Variants in SEC24B observed in about 807,000 individuals in gnomAD.
SEC24B encodes the protein protein transport protein Sec24B.
SEC24B carries 45 observed loss-of-function variants against 142.8 expected under a neutral mutation model. The ratio of observed to expected loss-of-function variants is 0.32; its 90% confidence interval spans 0.25 to 0.40. The LOEUF (loss-of-function observed/expected upper bound fraction) is 0.40. Ranked by LOEUF, SEC24B falls within the 10% of genes least tolerant of loss-of-function variation. SEC24B has a pLI of 1.00. For synonymous variants in SEC24B, 574 were observed against 568.2 expected (o/e 1.01, Z -0.15); for missense variants, 1,409 against 1,526.8 (o/e 0.92, Z 1.29).
chr4:109,481,855 A>G, intron 4 of SEC24B, 74 bp downstream of exon 4: 1 of 1,070,720 alleles, frequency 9.3e-7, no homozygotes, highest in Non-Finnish European at 1.4e-6. Context: ...AGTCTTACTT[A>G]GCCTTTTAAA....
At position 109,482,754 on chromosome 4, in the gene SEC24B, T is replaced by G. The variant is rs1733857730; in HGVS notation, c.1165+973T>G. 2.0e-5 allele frequency among the ~76,000 whole-genome samples: 3 copies of G among 150,382 alleles called. No individual in the cohort carries two copies. The South Asian group carries it at 6.3e-4, about 32-fold the overall frequency. ...CCCAGGCTCAAGCCATCCTCCTGTC[T>G]CAACTCCCACATAGCTGAGACTACA... On this transcript the variant is annotated intron_variant, in intron 4 of 23. Transcript: ENST00000265175.
intron 7 of SEC24B, 73 bp downstream of exon 7, chr4:109,506,585 T>A: frequency 9.6e-7 from 1 of 1,045,848 alleles, no homozygotes; most frequent in South Asian, 2.4e-5. Flanking sequence ...ATAGTAAAAG[T>A]AGTATGTTAT....
chr4:109,461,749 T>C (rs1731279413), intron 1 of SEC24B, among the ~76,000 whole-genome samples: 2 of 152,242 alleles, frequency 1.3e-5, no homozygotes, highest in Admixed American at 6.5e-5. Flanking sequence ...TCATACTCTT[T>C]ATTGTTTGAA....
At chr4:109,463,698 ATTAAG>A (rs1317478901) in intron 2 of SEC24B, 54 bp downstream of exon 2, 1 of 1,556,856 alleles carries the variant, frequency 6.4e-7, no homozygotes, top group East Asian at 2.3e-5. Flanking sequence ...TGCATTCCCA[ATTAAG>A]TTATTATTTA....
At chr4:109,455,870 T>G (rs141428147) in intron 1 of SEC24B, among the ~76,000 whole-genome samples, 1 of 152,212 alleles carries the variant, frequency 6.6e-6, no homozygotes, top group Non-Finnish European at 1.5e-5. Context: ...TTAGTAACTT[T>G]GTATTACTAT....
In SEC24B at chr4:109,494,748, C is replaced by T; in HGVS notation, c.1380C>T (p.Gly460=). 6.2e-7 allele frequency: 1 copy of T among 1,614,220 alleles called. No individual in the cohort carries two copies. The highest frequency in any genetic ancestry group is 8.5e-7 in the Non-Finnish European group (1 of 1,180,034). ...CTTCAAAAATGGCTAAGCCTTTTGG[C>T]TATGGCTATCCAACACTTCAGCCTG... The part of the protein sequence containing the change: ...PQPSKMAKPF[G]YGYPTLQPGY... The change falls in exon 6 of 24, where the codon GGC becomes GGT. Residue 460 remains glycine, a synonymous_variant. Coordinates refer to ENST00000265175, the MANE Select transcript of SEC24B (RefSeq NM_006323.5).
At position 109,514,096 on chromosome 4, in the gene SEC24B, C is replaced by T. The variant is rs1013358298; in HGVS notation, c.2013+240C>T. Among the ~76,000 whole-genome samples the T allele has an allele frequency of 3.3e-5, 5 of 152,162 alleles. No individual in the cohort carries two copies. The South Asian group carries it at 6.2e-4, about 19-fold the overall frequency. Reference sequence around the variant, plus strand: ...TCTGTCTTATGATGGGCACTAGCATCTATGACTTGTTGCCATTTTGATTTC... The same window carrying T: ...TCTGTCTTATGATGGGCACTAGCATTTATGACTTGTTGCCATTTTGATTTC... On this transcript the variant is annotated intron_variant, in intron 10 of 23. Coordinates refer to ENST00000265175, the MANE Select transcript of SEC24B (RefSeq NM_006323.5).
rs746747448 is a variant in SEC24B at position 109,506,461 on chromosome 4, C to A, written c.1622C>A (p.Ala541Asp). 1.3e-5 allele frequency: 21 copies of A among 1,604,734 alleles called. No homozygotes were observed. The highest frequency in any genetic ancestry group is 1.8e-5 in the Non-Finnish European group (21 of 1,175,500). ...RNILPMTPVW[A>D]PVPNLNADLK... ...ATTTTACCTATGACTCCTGTTTGGG[C>A]TCCTGTACCTAACTTGAATGCAGAC... The change falls in exon 7 of 24, where the codon GCT becomes GAT. Residue 541 changes from alanine (A) to aspartate (D), a missense_variant. Around this residue, in one of 2 missense-constraint regions of SEC24B, gnomAD observed 709 missense variants for 673.5 expected, o/e 1.05. Transcript: ENST00000265175.
intron 14 of SEC24B, among the ~76,000 whole-genome samples, chr4:109,524,193 A>C (rs1282329201): frequency 1.3e-5 from 2 of 152,116 alleles, no homozygotes; most frequent in Non-Finnish European, 2.9e-5. Flanking sequence ...AGGACTCTAA[A>C]GTTTCAGTAT....
At chr4:109,532,139 G>A (rs1398668524) in intron 20 of SEC24B, among the ~76,000 whole-genome samples, 4 of 152,090 alleles carry the variant, frequency 2.6e-5, no homozygotes, top group Admixed American at 2.6e-4. Flanking sequence ...TTACAGGCAT[G>A]AGCCACCACA....
intron 17 of SEC24B, 48 bp downstream of exon 17, chr4:109,526,447 T>A (rs1724236921): frequency 2.1e-6 from 3 of 1,413,452 alleles, no homozygotes; most frequent in South Asian, 1.3e-5. Flanking sequence ...AATTCCTCCC[T>A]CCTTTCACAT....
At chr4:109,485,735 G>C (rs1734286596) in intron 4 of SEC24B, among the ~76,000 whole-genome samples, 1 of 152,200 alleles carries the variant, frequency 6.6e-6, no homozygotes, top group Non-Finnish European at 1.5e-5. Flanking sequence ...GAGGTAAAAA[G>C]AAAGTGGCTG....
chr4:109,507,476 GT>G (rs1480286090), intron 7 of SEC24B, among the ~76,000 whole-genome samples: 3 of 151,950 alleles, frequency 2.0e-5, no homozygotes, highest in African/African-American at 7.2e-5. Context: ...GTTTCACCAT[GT>G]TGGGCAGACT....
chr4:109,466,397 C>A (rs747599696), intron 2 of SEC24B, among the ~76,000 whole-genome samples: 4 of 152,044 alleles, frequency 2.6e-5, no homozygotes, highest in Non-Finnish European at 5.9e-5. Flanking sequence ...AAGTATTAAA[C>A]ATAGTTTTGT....
intron 7 of SEC24B, among the ~76,000 whole-genome samples, chr4:109,508,833 AATCATTCAATAAACATTT>A (rs1737001978): frequency 6.6e-6 from 1 of 152,194 alleles, no homozygotes; most frequent in Non-Finnish European, 1.5e-5. Context: ...TACTAAAATA[AATCATTCAATAAACATTT>A]ATCAAATGCC....
At chr4:109,523,653 TATC>T (rs1723904079) in intron 14 of SEC24B, among the ~76,000 whole-genome samples, 1 of 152,154 alleles carries the variant, frequency 6.6e-6, no homozygotes, top group East Asian at 1.9e-4. Context: ...TTTGAGAAAA[TATC>T]ATTATAAGTA....
chr4:109,482,432 C>T (rs1186479685), intron 4 of SEC24B, among the ~76,000 whole-genome samples: 2 of 152,112 alleles, frequency 1.3e-5, no homozygotes, highest in Non-Finnish European at 2.9e-5. Context: ...AATTCTAATA[C>T]AGGTTGAATA....
chr4:109,442,037 G>T (rs1161631685), intron 1 of SEC24B, among the ~76,000 whole-genome samples: 3 of 152,068 alleles, frequency 2.0e-5, no homozygotes, highest in African/African-American at 7.2e-5. Flanking sequence ...CCTCATTTTT[G>T]AAATCACCAA....
At chr4:109,465,326 T>C (rs1004281495) in intron 2 of SEC24B, among the ~76,000 whole-genome samples, 13 of 152,288 alleles carry the variant, frequency 8.5e-5, no homozygotes, top group Non-Finnish European at 1.8e-4. Flanking sequence ...TAGAATAGAA[T>C]CTCCAGGGTA....
Sources: gnomAD v4.1 joint callset for allele counts (sites outside exome capture counted in the v4.1 genomes callset) on GRCh38, gnomAD v4.1.1 for gene constraint, gnomAD v4.1.1 regional missense constraint, MANE v1.5 for transcripts, NCBI Gene and HGNC (gene_info 2026-07-23, HGNC 2026-07-21) for gene names.